TPTE2: variants seen among roughly 807,000 people sequenced by gnomAD.
TPTE2 encodes the protein transmembrane phosphoinositide 3-phosphatase and tensin homolog 2.
TPTE2 carries 53 observed loss-of-function variants against 78.6 expected under a neutral mutation model. The observed-to-expected ratio is 0.67, with a 90% confidence interval of 0.54 to 0.85. The LOEUF (loss-of-function observed/expected upper bound fraction) is 0.85. Ranked by LOEUF, TPTE2 falls within the 40% of genes least tolerant of loss-of-function variation. The pLI, the probability that TPTE2 is intolerant of heterozygous loss-of-function variation, is 0.00. For missense variants in TPTE2, 461 were observed against 623.0 expected (o/e 0.74, Z 2.77); for synonymous variants, 175 against 206.2 (o/e 0.85, Z 1.30).
intron 13 of TPTE2, chr13:19,438,547 T>G: frequency 2.4e-6 from 1 of 419,622 alleles, no homozygotes; most frequent in South Asian, 9.8e-5. Flanking sequence ...AGAAAAGACA[T>G]TTTTACACCA....
At position 19,426,522 on chromosome 13, in the gene TPTE2, G is replaced by A; in HGVS notation, c.1303-5C>T. On this transcript the variant is annotated splice_polypyrimidine_tract_variant and splice_region_variant and intron_variant, in intron 17 of 19. Transcript: ENST00000400230. ...TGTTTCAATGTCATGCAATATCTATGAATGAACACATGGAATTGAGAACTA... is the reference window on the plus strand; with the variant it reads ...TGTTTCAATGTCATGCAATATCTATAAATGAACACATGGAATTGAGAACTA... 6.7e-7 allele frequency: 1 copy of A among 1,502,898 alleles called. No homozygotes were observed. The highest frequency in any genetic ancestry group is 9.3e-7 in the Non-Finnish European group (1 of 1,079,604). 93.1% of individuals were successfully genotyped at this position (1,502,898 alleles called of 1,614,324 possible).
At chr13:19,450,195 A>G (rs1878085839) in intron 12 of TPTE2, 31 bp from the exon 16 acceptor site, 1 of 1,610,328 alleles carries the variant, frequency 6.2e-7, no homozygotes, top group Non-Finnish European at 8.5e-7. Context: ...TTTAGTTAAA[A>G]TATTTTCAAA....
chr13:19,558,820 G>C, the TPTE2 span, among the ~76,000 whole-genome samples: 1 of 152,170 alleles, frequency 6.6e-6, no homozygotes, highest in Non-Finnish European at 1.5e-5. Flanking sequence ...AAAATAAGTT[G>C]TAAGTCCAGC....
chr13:19,523,137 G>A (rs7329280), intron 1 of TPTE2, among the ~76,000 whole-genome samples: 111,247 of 151,994 alleles, frequency 0.73, 43,612 homozygotes, highest in East Asian at 0.96. Flanking sequence ...CTGGGAATAA[G>A]GCTTTGAATG....
intron 2 of TPTE2, 21 bp from the exon 6 acceptor site, chr13:19,492,924 A>T (rs745855310): frequency 6.2e-7 from 1 of 1,613,948 alleles, no homozygotes; most frequent in Non-Finnish European, 8.5e-7. Flanking sequence ...ATAAAAGAAT[A>T]CAGTCAGATA....
At chr13:19,548,750 A>C in the TPTE2 span, among the ~76,000 whole-genome samples, 2 of 151,920 alleles carry the variant, frequency 1.3e-5, no homozygotes, top group Admixed American at 6.6e-5. Flanking sequence ...ACCTAAAACT[A>C]TAAAAACCCT....
In TPTE2 at chr13:19,455,204, T is replaced by C. The variant is rs1435670230; in HGVS notation, c.742-3979A>G. On this transcript the variant is annotated intron_variant, in intron 10 of 19. Coordinates refer to ENST00000400230, the Ensembl canonical transcript of TPTE2. ...TTCAAGGTCTTTAGGTATTTACAAA[T>C]GTATTTTTATACAACTGCTGAAGTC... is the stretch of plus-strand genomic sequence containing the variant. Among the ~76,000 whole-genome samples, 4 of 152,268 alleles carry C rather than the reference T, an allele frequency of 2.6e-5. No individual in the cohort carries two copies. In the East Asian group the frequency reaches 7.7e-4, roughly 29 times the overall value.
intron 1 of TPTE2, among the ~76,000 whole-genome samples, chr13:19,499,309 T>G (rs1397857272): frequency 6.6e-6 from 1 of 152,066 alleles, no homozygotes; most frequent in African/African-American, 2.4e-5. Context: ...CTAATAGACA[T>G]CTACAGAACT....
At chr13:19,503,422 A>G (rs1868753869), upstream of TPTE2, 1 of 829,438 alleles carries the variant, frequency 1.2e-6, no homozygotes, top group Non-Finnish European at 1.9e-6. Flanking sequence ...CTGAAATGTC[A>G]TTTTTTTATT....
At chr13:19,459,389 T>C (rs917589110) in intron 10 of TPTE2, among the ~76,000 whole-genome samples, 2 of 152,278 alleles carry the variant, frequency 1.3e-5, no homozygotes, top group East Asian at 1.9e-4. Flanking sequence ...AGGGGGATAC[T>C]GACCTGTAGC....
intron 1 of TPTE2, among the ~76,000 whole-genome samples, chr13:19,527,027 C>G (rs973768188): frequency 2.6e-5 from 4 of 152,036 alleles, no homozygotes; most frequent in Non-Finnish European, 4.4e-5. Context: ...AAAAAAAGGC[C>G]GGGCGTGGTG....
chr13:19,461,092 A>G (rs1878858350), intron 10 of TPTE2, among the ~76,000 whole-genome samples: 1 of 152,056 alleles, frequency 6.6e-6, no homozygotes, highest in African/African-American at 2.4e-5. Flanking sequence ...GGGTAGAAGT[A>G]ATATATAATT....
At chr13:19,492,696 T>C (rs1400001789) in intron 3 of TPTE2, among the ~76,000 whole-genome samples, 154 bp downstream of exon 6, 1 of 152,164 alleles carries the variant, frequency 6.6e-6, no homozygotes, top group Non-Finnish European at 1.5e-5. Flanking sequence ...CCGTGTTTGG[T>C]GTTTCCACTT....
chr13:19,545,219 A>G, the TPTE2 span, among the ~76,000 whole-genome samples: 1 of 152,172 alleles, frequency 6.6e-6, no homozygotes, highest in Non-Finnish European at 1.5e-5. Context: ...GAAGACAAGA[A>G]ACAAAAAGGC....
At chr13:19,438,146 G>C (rs151078954) in exon 14 of TPTE2, 2 of 1,607,748 alleles carry the variant, frequency 1.2e-6, no homozygotes, top group Non-Finnish European at 1.7e-6. Context: ...CCATAGTCCC[G>C]GTTCTTCCTA....
intron 1 of TPTE2, among the ~76,000 whole-genome samples, chr13:19,512,583 A>ATTT (rs71092372): frequency 4.2e-4 from 62 of 148,158 alleles, no homozygotes; most frequent in Admixed American, 9.4e-4. Flanking sequence ...CACAGGAAAC[A>ATTT]TTTTTTTTTT....
At chr13:19,461,593 G>C (rs560374302) in intron 10 of TPTE2, among the ~76,000 whole-genome samples, 1 of 152,074 alleles carries the variant, frequency 6.6e-6, no homozygotes, top group East Asian at 1.9e-4. Context: ...TGGTAAGAGT[G>C]GGGTGTTAAA....
intron 1 of TPTE2, among the ~76,000 whole-genome samples, chr13:19,530,903 G>A (rs137856956): frequency 1.3e-5 from 2 of 152,238 alleles, no homozygotes; most frequent in African/African-American, 4.8e-5. Context: ...TCAGTGGTGT[G>A]AAGTACATTC....
upstream of TPTE2, among the ~76,000 whole-genome samples, chr13:19,537,224 T>G (rs1038165842): frequency 1.2e-4 from 18 of 150,274 alleles, no homozygotes; most frequent in African/African-American, 4.3e-4. Flanking sequence ...GGGGGTTGTC[T>G]TCTACTTGAT....
Sources: allele counts gnomAD v4.1 joint callset (sites outside exome capture counted in the v4.1 genomes callset), GRCh38; gene constraint gnomAD v4.1.1; transcripts MANE v1.5; gene names NCBI Gene and HGNC (gene_info 2026-07-23, HGNC 2026-07-21).